The following ADRM1 variants were observed in gnomAD, a reference collection of about 807,000 sequenced individuals.
ADRM1 encodes the protein proteasomal ubiquitin receptor ADRM1.
In ADRM1, 2 loss-of-function variants were observed where a neutral mutation model predicts 40.1. The observed-to-expected ratio is 0.05, with a 90% CI of 0.02 to 0.16. The LOEUF (loss-of-function observed/expected upper bound fraction) is 0.16. Among genes scored for constraint, ADRM1 ranks in the 10% least tolerant of loss-of-function variants. ADRM1 has a pLI of 1.00. For synonymous variants in ADRM1, 287 were observed against 240.4 expected (o/e 1.19, Z -1.79); for missense variants, 467 against 552.5 (o/e 0.85, Z 1.55).
In ADRM1 at chr20:62,304,583, G is replaced by A. The variant is rs1568868650; in HGVS notation, c.330+6G>A. The A allele has an allele frequency of 1.2e-6, 2 of 1,613,200 alleles. No homozygotes were observed. The highest frequency in any genetic ancestry group is 1.1e-5 in the South Asian group (1 of 91,038). On this transcript the variant is annotated splice_donor_region_variant and intron_variant, in intron 3 of 9. Coordinates refer to ENST00000253003, the MANE Select transcript of ADRM1 (RefSeq NM_007002.4). ...GGCTTTTCTTCTGGATGCAGGTATG[G>A]GGCAGGCCTTGGGGTTGTGCCTTTT...
rs1985397399 is a variant in ADRM1, at chr20:62,308,015, C to T, written c.857-6C>T. On this transcript the variant is annotated splice_polypyrimidine_tract_variant and splice_region_variant and intron_variant, in intron 7 of 9. Transcript: ENST00000253003. ...TCGAGCTGATGGCCGTGTTCTTGTG[C>T]CCCAGTGGACCTGGCCAGTGTGCTG... 3 of 1,605,078 alleles carry T rather than the reference C, an allele frequency of 1.9e-6. No individual in the cohort carries two copies. The highest frequency in any genetic ancestry group is 2.6e-6 in the Non-Finnish European group (3 of 1,174,992).
rs1313369968 is a variant in ADRM1, at chr20:62,308,151, T to A, written c.987T>A (p.Asn329Lys). ...SLPQTADEIQ[N>K]TLTSPQFQQA... ...CGCAGACCGCGGATGAGATCCAGAA[T>A]ACCCTGACCTCGCCCCAGTTCCAGC... Residue 329 changes from asparagine to lysine, a missense_variant, in exon 8 of 10, where the codon AAT becomes AAA. This residue lies in a region of ADRM1 where 418 missense variants were observed against 474.6 expected (regional missense o/e 0.88). Coordinates refer to ENST00000253003, the MANE Select transcript of ADRM1 (RefSeq NM_007002.4). The A allele has an allele frequency of 6.2e-7, 1 of 1,606,976 alleles. No individual in the cohort carries two copies. The highest frequency in any genetic ancestry group is 1.7e-5 in the Admixed American group (1 of 59,984).
chr20:62,307,312 C>T, intron 5 of ADRM1, 59 bp from the exon 6 acceptor site: 2 of 1,511,868 alleles, frequency 1.3e-6, no homozygotes, highest in Non-Finnish European at 1.8e-6. Flanking sequence ...GGGGAGGGGC[C>T]AGGCTCTTTC....
In ADRM1 at chr20:62,304,427, G is replaced by A. The variant is rs572187838; in HGVS notation, c.214-34G>A. 277 of 1,575,024 alleles carry A rather than the reference G, an allele frequency of 1.8e-4. 3 individuals are homozygous for A. In the South Asian group the frequency reaches 2.9e-3, roughly 17 times the overall value. On this transcript the variant is annotated intron_variant, in intron 2 of 9. Transcript: ENST00000253003. ...GAGACTGGGCACAGTGATGCCATCT[G>A]CGCCACTGACTCTCTCTTCCCCTGG...
rs1453372758 is a variant in ADRM1, at chr20:62,303,043, G to C, written c.-8G>C. ...GCGCCTCTCGAACGAGTGTGGGCGCGAGGCAGGTGCGGGAGTCGCCGGGCC... is the reference window on the plus strand; with the variant it reads ...GCGCCTCTCGAACGAGTGTGGGCGCCAGGCAGGTGCGGGAGTCGCCGGGCC... On this transcript the variant is annotated 5_prime_UTR_variant, in exon 1 of 10. Coordinates refer to ENST00000253003, the MANE Select transcript of ADRM1 (RefSeq NM_007002.4). 6.6e-6 allele frequency: 1 copy of C among 151,982 alleles called. No homozygotes were observed. The highest frequency in any genetic ancestry group is 2.4e-5 in the African/African-American group (1 of 41,382). The allele number at this position is 151,982 out of a possible 1,614,324, so 9.4% of individuals were successfully genotyped here.
chr20:62,306,900 G>T (rs1412281513), intron 5 of ADRM1, among the ~76,000 whole-genome samples, 166 bp downstream of exon 5: 5 of 152,228 alleles, frequency 3.3e-5, no homozygotes, highest in African/African-American at 7.2e-5. Flanking sequence ...CCTGTGGCTA[G>T]AGCTGGGTAG....
intron 3 of ADRM1, chr20:62,305,981 G>A (rs920562918): frequency 1.7e-6 from 1 of 580,208 alleles, no homozygotes. Context: ...CGGGATTGCG[G>A]CGGATGGGGA....
At chr20:62,306,885 G>A (rs1601240698) in intron 5 of ADRM1, 151 bp downstream of exon 5, 1 of 818,766 alleles carries the variant, frequency 1.2e-6, no homozygotes, top group Non-Finnish European at 1.9e-6. Flanking sequence ...GAATGCGCTT[G>A]TTTGCCTGTG....
At chr20:62,307,479 G>A (rs6121984) in intron 6 of ADRM1, 27 bp downstream of exon 6, 5 of 1,605,376 alleles carry the variant, frequency 3.1e-6, no homozygotes, top group Non-Finnish European at 4.2e-6. Context: ...CTGCCACGCA[G>A]GTGCCACGGT....
chr20:62,307,507 G>A (rs1985224596), intron 6 of ADRM1, 55 bp downstream of exon 6: 18 of 1,599,508 alleles, frequency 1.1e-5, no homozygotes, highest in Non-Finnish European at 1.4e-5. Flanking sequence ...GAGGGGCAGT[G>A]GGGAATCCTG....
At chr20:62,307,257 G>A (rs1297034735) in intron 5 of ADRM1, 114 bp from the exon 6 acceptor site, 38 of 1,075,062 alleles carry the variant, frequency 3.5e-5, no homozygotes, top group East Asian at 5.2e-5. Context: ...CCACCGCCCC[G>A]CTTCTTCCTG....
chr20:62,306,387 C>G (rs775931891), intron 4 of ADRM1, 67 bp downstream of exon 4: 21 of 1,608,242 alleles, frequency 1.3e-5, no homozygotes, highest in Non-Finnish European at 1.8e-5. Flanking sequence ...GTGGATGACT[C>G]GCCCCCTCAG....
rs560939479 is a variant in ADRM1, at chr20:62,304,532, G to T, written c.285G>T (p.Val95=). Reference sequence around the variant, plus strand: ...AGTGCCCCAGCGGGAGGGTCTACGTGCTGAAGTTCAAGGCAGGGTCCAAGC... The same window carrying T: ...AGTGCCCCAGCGGGAGGGTCTACGTTCTGAAGTTCAAGGCAGGGTCCAAGC... ...VPQCPSGRVY[V]LKFKAGSKRL... The change falls in exon 3 of 10, where the codon GTG becomes GTT. Residue 95 remains valine (V), a synonymous_variant. Transcript: ENST00000253003. The T allele has an allele frequency of 4.5e-5, 72 of 1,614,042 alleles. 1 individual carries two copies. The South Asian group carries it at 7.6e-4, about 17-fold the overall frequency.
rs1157808760 is a variant in ADRM1, at chr20:62,307,403, G to T, written c.574G>T (p.Ala192Ser). The T allele has an allele frequency of 1.2e-6, 2 of 1,604,796 alleles. No individual in the cohort carries two copies. Among genetic ancestry groups the T allele is most frequent in the Non-Finnish European group, 1.7e-6 (2 of 1,177,912 alleles). The change falls in exon 6 of 10, where the codon GCC becomes TCC. Residue 192 changes from alanine to serine, a missense_variant. Physicochemically the swap from Ala to Ser is moderately conservative, Grantham distance 99. Transcript: ENST00000253003. ...GGGGGCCCTGACTGGACCTGGCCTG[G>T]CCAGCTTACTGGGGAGCAGTGGGCC... ...GLGALTGPGL[A>S]SLLGSSGPPG... is the part of the protein sequence containing the mutation.
chr20:62,307,396 T>C lies in ADRM1; in HGVS notation c.567T>C (p.Pro189=). The C allele has an allele frequency of 6.2e-7, 1 of 1,602,648 alleles. No individual in the cohort carries two copies. ...GLGGLGALTG[P]GLASLLGSSG... ...GTGGGCTGGGGGCCCTGACTGGACCTGGCCTGGCCAGCTTACTGGGGAGCA... is the reference window on the plus strand; with the variant it reads ...GTGGGCTGGGGGCCCTGACTGGACCCGGCCTGGCCAGCTTACTGGGGAGCA... The change falls in exon 6 of 10, where the codon CCT becomes CCC. Residue 189 remains proline, a synonymous_variant. Coordinates refer to ENST00000253003, the MANE Select transcript of ADRM1 (RefSeq NM_007002.4).
At chr20:62,306,350 G>C (rs1418127320) in intron 4 of ADRM1, 30 bp downstream of exon 4, 2 of 1,612,300 alleles carry the variant, frequency 1.2e-6, no homozygotes, top group Non-Finnish European at 1.7e-6. Context: ...CGTGAGCTCA[G>C]GGTTTCCTGG....
chr20:62,305,913 G>GC lies in ADRM1; in HGVS notation c.331-282dup, dbSNP rs1601236235. The GC allele has an allele frequency of 3.8e-5, 15 of 396,018 alleles. No individual in the cohort carries two copies. The East Asian group carries it at 7.1e-4, about 19-fold the overall frequency. The allele number at this position is 396,018 out of a possible 1,614,324, so 24.5% of individuals were successfully genotyped here. On this transcript the variant is annotated intron_variant, in intron 3 of 9. Coordinates refer to ENST00000253003, the MANE Select transcript of ADRM1 (RefSeq NM_007002.4). ...GGGCTTGGTCTGGCAGCAGCTAAGTGCCTTCGGAGCTCTAGGCTCCCCATT... is the reference window on the plus strand; with the variant it reads ...GGGCTTGGTCTGGCAGCAGCTAAGTGCCCTTCGGAGCTCTAGGCTCCCCATT...
At chr20:62,306,981 G>A (rs1985085645) in intron 5 of ADRM1, among the ~76,000 whole-genome samples, 1 of 152,172 alleles carries the variant, frequency 6.6e-6, no homozygotes, top group East Asian at 1.9e-4. Flanking sequence ...GCCGAGCGGT[G>A]GGGCTGGAGG....
At chr20:62,303,824 G>T in intron 2 of ADRM1, 43 bp downstream of exon 2, 3 of 1,587,904 alleles carry the variant, frequency 1.9e-6, no homozygotes, top group Non-Finnish European at 2.6e-6. Flanking sequence ...GCGACTTCTC[G>T]GGCCCTCGGA....
Sources: allele counts gnomAD v4.1 joint callset (sites outside exome capture counted in the v4.1 genomes callset), GRCh38; gene constraint gnomAD v4.1.1; regional missense constraint gnomAD v4.1.1; transcripts MANE v1.5; gene names NCBI Gene and HGNC (gene_info 2026-07-23, HGNC 2026-07-21).